UCK1: variants seen among roughly 807,000 people sequenced by gnomAD.
UCK1 encodes the protein cytidine monophosphokinase 1.
UCK1 carries 20 observed loss-of-function variants against 34.0 expected under a neutral mutation model. The observed-to-expected ratio is 0.59, with a 90% confidence interval of 0.41 to 0.86. The LOEUF is 0.86. UCK1 is among the 40% of genes least tolerant of loss of function. UCK1 has a pLI of 0.00. For missense variants in UCK1, 343 were observed against 383.6 expected (o/e 0.89, Z 0.88); for synonymous variants, 168 against 155.9 (o/e 1.08, Z -0.58).
chr9:131,525,342 G>T, intron 6 of UCK1, 121 bp from the exon 7 acceptor site: 1 of 1,232,910 alleles, frequency 8.1e-7, no homozygotes, highest in Non-Finnish European at 1.1e-6. Context: ...ACAGCCTGCG[G>T]CGAGGGGCAT....
In UCK1 at chr9:131,523,923, A is replaced by C. The variant is rs1358470659; in HGVS notation, c.*1117T>G. The C allele has an allele frequency of 1.3e-5, 2 of 152,546 alleles. No individual in the cohort carries two copies. The highest frequency in any genetic ancestry group is 1.3e-4 in the Admixed American group (2 of 15,302). The allele number at this position is 152,546 out of a possible 1,614,324, so 9.4% of individuals were successfully genotyped here. A position where few individuals can be genotyped will look rare whatever the true frequency, so the allele number is the denominator to read the frequency against. ...CCCCCTTCCCCCACGTCACGTCTGC[A>C]TCACTACTGTGGGTGAGCCTGGACG... On this transcript the variant is annotated 3_prime_UTR_variant, in exon 7 of 7. Coordinates refer to ENST00000372215, the MANE Select transcript of UCK1 (RefSeq NM_031432.5).
intron 5 of UCK1, chr9:131,526,244 T>TA (rs1950599449): frequency 4.5e-6 from 3 of 664,918 alleles, no homozygotes; most frequent in Non-Finnish European, 7.6e-6. Flanking sequence ...ACAGCCCCCT[T>TA]CCAGTGTTCC....
At chr9:131,525,767 C>G (rs1463362450) in intron 6 of UCK1, among the ~76,000 whole-genome samples, 162 bp downstream of exon 6, 1 of 152,166 alleles carries the variant, frequency 6.6e-6, no homozygotes, top group African/African-American at 2.4e-5. Flanking sequence ...GGCACCGCGC[C>G]CAGCTACATA....
At chr9:131,527,410 A>T (rs1950649945) in intron 5 of UCK1, among the ~76,000 whole-genome samples, 1 of 152,156 alleles carries the variant, frequency 6.6e-6, no homozygotes, top group Admixed American at 6.5e-5. Flanking sequence ...CACTTCCTCT[A>T]CTCAGGTCGC....
Position 131,529,523 on chromosome 9 carries a change from C to T in UCK1, c.330G>A (p.Val110=), listed in dbSNP as rs1564408355. The T allele has an allele frequency of 1.2e-6, 2 of 1,614,162 alleles. No homozygotes were observed. Among genetic ancestry groups the T allele is most frequent in the Non-Finnish European group, 1.7e-6 (2 of 1,180,020 alleles). ...TLKNIVEGKT[V]EVPTYDFVTH... ...TCACAAAATCATAGGTCGGCACCTC[C>T]ACCGTTTTGCCCTCCACGATGTTCT... The change falls in exon 3 of 7, where the codon GTG becomes GTA. Residue 110 remains valine, a synonymous_variant. Coordinates refer to ENST00000372215, the MANE Select transcript of UCK1 (RefSeq NM_031432.5).
intron 1 of UCK1, among the ~76,000 whole-genome samples, chr9:131,530,852 G>A (rs1485373263): frequency 1.3e-5 from 2 of 152,176 alleles, no homozygotes; most frequent in African/African-American, 4.8e-5. Flanking sequence ...GAGCCCGGCC[G>A]GCGGAGAGGC....
chr9:131,530,801 G>T, intron 1 of UCK1, 156 bp from the exon 2 acceptor site: 2 of 1,360,464 alleles, frequency 1.5e-6, no homozygotes, highest in Non-Finnish European at 2.0e-6. Context: ...CGGAAGGGCC[G>T]CGGGGGCCCA....
intron 6 of UCK1, 130 bp from the exon 7 acceptor site, chr9:131,525,351 A>G (rs1041218206): frequency 5.6e-5 from 59 of 1,045,284 alleles, no homozygotes; most frequent in Middle Eastern, 3.0e-4. Flanking sequence ...GGCGAGGGGC[A>G]TCGAGTCAAA....
Position 131,530,524 on chromosome 9 carries a change from G to A in UCK1, c.230C>T (p.Ala77Val), listed in dbSNP as rs776397212. Reference protein sequence around the residue: ...FYKVLTAEQKAKALKGQYNFD... With the variant: ...FYKVLTAEQKVKALKGQYNFD... ...ATTGTACTGTCCTTTCAAGGCCTTG[G>A]CCTTCTGCTCTGCCGTCAGGACCTT... The change falls in exon 2 of 7, where the codon GCC becomes GTC. Residue 77 changes from alanine to valine, a missense_variant. Ala to Val is a moderately conservative substitution (Grantham distance 64, BLOSUM62 0). Transcript: ENST00000372215. The A allele has an allele frequency of 2.5e-6, 4 of 1,614,124 alleles. No individual in the cohort carries two copies. Among genetic ancestry groups the A allele is most frequent in the African/African-American group, 1.3e-5 (1 of 74,946 alleles).
intron 5 of UCK1, among the ~76,000 whole-genome samples, chr9:131,527,742 T>C (rs984495692): frequency 3.3e-5 from 5 of 151,832 alleles, no homozygotes; most frequent in African/African-American, 1.2e-4. Flanking sequence ...CCGAGCATGG[T>C]GGTGCACGCC....
At position 131,524,364 on chromosome 9, in the gene UCK1, T is replaced by C. The variant is rs930349495; in HGVS notation, c.*676A>G. ...CAGCCTGGCCCCGCACAAGCCTGGGTGTGATGCTGGGTGCTTCCAGGGCAT... is the reference window on the plus strand; with the variant it reads ...CAGCCTGGCCCCGCACAAGCCTGGGCGTGATGCTGGGTGCTTCCAGGGCAT... On this transcript the variant is annotated 3_prime_UTR_variant, in exon 7 of 7. Coordinates refer to ENST00000372215, the MANE Select transcript of UCK1 (RefSeq NM_031432.5). 1.3e-5 allele frequency: 2 copies of C among 152,314 alleles called. No homozygotes were observed. Among genetic ancestry groups the C allele is most frequent in the Admixed American group, 6.5e-5 (1 of 15,284 alleles). The allele number at this position is 152,314 out of a possible 1,614,324, so 9.4% of individuals were successfully genotyped here.
chr9:131,526,301 T>C (rs760843615), intron 5 of UCK1: 23 of 837,396 alleles, frequency 2.7e-5, no homozygotes, highest in Non-Finnish European at 4.1e-5. Flanking sequence ...CTCAATTCAC[T>C]GGGCCAAGCT....
chr9:131,526,692 C>A (rs117357715), intron 5 of UCK1, among the ~76,000 whole-genome samples: 31 of 152,206 alleles, frequency 2.0e-4, no homozygotes, highest in Non-Finnish European at 3.8e-4. Context: ...GAACTTGGAA[C>A]GGTGCGTGCT....
At chr9:131,525,799 C>G (rs1183064042) in intron 6 of UCK1, 130 bp downstream of exon 6, 1 of 979,664 alleles carries the variant, frequency 1.0e-6, no homozygotes, top group Non-Finnish European at 1.5e-6. Flanking sequence ...ATATTTTAAC[C>G]CTGTGCCGCA....
intron 3 of UCK1, 77 bp from the exon 4 acceptor site, chr9:131,529,347 C>G (rs1481480565): frequency 6.2e-7 from 1 of 1,604,698 alleles, no homozygotes. Context: ...GCTTCCATTG[C>G]AGGGACACTG....
chr9:131,529,668 A>G (rs1338376794), intron 2 of UCK1, 84 bp from the exon 3 acceptor site: 1 of 1,295,780 alleles, frequency 7.7e-7, no homozygotes, highest in Middle Eastern at 1.8e-4. Flanking sequence ...TGGGGTCAGC[A>G]CAGCTGGGTG....
chr9:131,526,075 T>G, intron 5 of UCK1, 98 bp from the exon 6 acceptor site: 1 of 1,439,678 alleles, frequency 6.9e-7, no homozygotes, highest in Non-Finnish European at 9.7e-7. Flanking sequence ...GGGGCGGCCC[T>G]GGGGTGCTCA....
chr9:131,525,296 CG>C, intron 6 of UCK1, 75 bp from the exon 7 acceptor site: 1 of 1,591,038 alleles, frequency 6.3e-7, no homozygotes, highest in Non-Finnish European at 8.6e-7. Context: ...CCGCAGCACT[CG>C]GCCAGGAGTG....
chr9:131,525,483 T>C (rs1950563162), intron 6 of UCK1, among the ~76,000 whole-genome samples: 1 of 152,154 alleles, frequency 6.6e-6, no homozygotes, highest in South Asian at 2.1e-4. Flanking sequence ...AATATACATA[T>C]ATATATGTTT....
Sources: gnomAD v4.1 joint callset for allele counts (sites outside exome capture counted in the v4.1 genomes callset) on GRCh38, gnomAD v4.1.1 for gene constraint, MANE v1.5 for transcripts, NCBI Gene and HGNC (gene_info 2026-07-23, HGNC 2026-07-21) for gene names.